Variants in MGMT observed in about 807,000 individuals in gnomAD.
MGMT encodes methylated-DNA--protein-cysteine methyltransferase.
A neutral mutation model predicts 15.9 loss-of-function variants in MGMT; 14 were observed. That is an observed-to-expected ratio of 0.88 (90% confidence interval 0.58 to 1.37). The LOEUF is 1.37. MGMT is among the 40% of genes most tolerant of loss of function. The pLI, the probability that MGMT is intolerant of heterozygous loss-of-function variation, is 0.00. For synonymous variants in MGMT, 130 were observed against 118.2 expected (o/e 1.10, Z -0.65); for missense variants, 282 against 268.1 (o/e 1.05, Z -0.36).
intron 2 of MGMT, among the ~76,000 whole-genome samples, chr10:129,638,195 G>A (rs937981794): frequency 6.6e-6 from 1 of 151,982 alleles, no homozygotes; most frequent in Non-Finnish European, 1.5e-5. Context: ...ATCTGTAACG[G>A]TTTAGAACTC....
intron 3 of MGMT, among the ~76,000 whole-genome samples, chr10:129,758,119 C>G (rs183499228): frequency 9.1e-4 from 139 of 152,300 alleles, no homozygotes; most frequent in African/African-American, 3.2e-3. Flanking sequence ...AAAGACTAAA[C>G]AGATTTTTTT....
intron 4 of MGMT, among the ~76,000 whole-genome samples, chr10:129,763,939 C>T (rs76704313): frequency 1.2e-4 from 18 of 152,278 alleles, no homozygotes; most frequent in Admixed American, 2.6e-4. Flanking sequence ...ATGTCATAGT[C>T]GTCAGAAGCC....
At chr10:129,638,429 C>CAAAAAAAAAAAAAAAAGAAA (rs1327986095) in intron 2 of MGMT, among the ~76,000 whole-genome samples, 1 of 61,756 alleles carries the variant, frequency 1.6e-5, no homozygotes, top group Non-Finnish European at 3.3e-5. Context: ...ACCAAAGAGG[C>CAAAAAAAAAAAAAAAAGAAA]AAAAAAAAAA....
At chr10:129,688,590 T>TTGTC (rs1847936329) in intron 2 of MGMT, among the ~76,000 whole-genome samples, 1 of 152,212 alleles carries the variant, frequency 6.6e-6, no homozygotes, top group Admixed American at 6.5e-5. Context: ...TCCTGGATAT[T>TTGTC]AGCCCTTTGT....
At chr10:129,668,976 C>T (rs1847690212) in intron 2 of MGMT, among the ~76,000 whole-genome samples, 1 of 152,030 alleles carries the variant, frequency 6.6e-6, no homozygotes, top group Non-Finnish European at 1.5e-5. Flanking sequence ...GTCTTGCATA[C>T]ATTTTGTTGG....
intron 3 of MGMT, among the ~76,000 whole-genome samples, chr10:129,727,053 C>T (rs1487393880): frequency 1.3e-5 from 2 of 152,152 alleles, no homozygotes; most frequent in African/African-American, 2.4e-5. Context: ...CCCAGGGTTC[C>T]CTGCTGAATT....
chr10:129,588,837 A>G (rs1321696155), intron 2 of MGMT, among the ~76,000 whole-genome samples: 1 of 152,222 alleles, frequency 6.6e-6, no homozygotes. Context: ...TACACTTACC[A>G]CGTTGAATAT....
intron 2 of MGMT, among the ~76,000 whole-genome samples, chr10:129,578,253 A>T (rs995423898): frequency 6.6e-6 from 1 of 152,234 alleles, no homozygotes. Flanking sequence ...TTGCAGCACT[A>T]TTCACAATAG....
At chr10:129,612,738 G>A (rs1263051870) in intron 2 of MGMT, among the ~76,000 whole-genome samples, 2 of 152,244 alleles carry the variant, frequency 1.3e-5, no homozygotes, top group Non-Finnish European at 2.9e-5. Context: ...GATGTTACAG[G>A]TGGTTCCAGA....
Position 129,676,484 on chromosome 10 carries a change from C to T in MGMT, c.126-31411C>T, listed in dbSNP as rs574209854. Among the ~76,000 whole-genome samples, 10 of 152,290 alleles carry T rather than the reference C, an allele frequency of 6.6e-5. No individual in the cohort carries two copies. In the Middle Eastern group the frequency reaches 0.017, roughly 259 times the overall value. On this transcript the variant is annotated intron_variant, in intron 2 of 4. Transcript: ENST00000651593. Reference sequence around the variant, plus strand: ...GAAGAGGTGCATCTCTGCGTCTCTGCGGCGTACTCTGCGAGGGTCCCTGTG... The same window carrying T: ...GAAGAGGTGCATCTCTGCGTCTCTGTGGCGTACTCTGCGAGGGTCCCTGTG...
At chr10:129,469,328 A>G (rs1034744283) in intron 1 of MGMT, among the ~76,000 whole-genome samples, 3 of 152,254 alleles carry the variant, frequency 2.0e-5, no homozygotes, top group Non-Finnish European at 2.9e-5. Context: ...TTTAGGAGCC[A>G]GTGATTCAGA....
intron 2 of MGMT, among the ~76,000 whole-genome samples, chr10:129,551,243 C>A (rs1478743908): frequency 6.6e-6 from 1 of 152,200 alleles, no homozygotes; most frequent in East Asian, 1.9e-4. Flanking sequence ...TGAAGAAAGG[C>A]ACTGTTTTTA....
chr10:129,625,830 A>G (rs758260169), intron 2 of MGMT, among the ~76,000 whole-genome samples: 1 of 152,202 alleles, frequency 6.6e-6, no homozygotes, highest in African/African-American at 2.4e-5. Context: ...GCTTGTTTTC[A>G]GGAGTTTTCA....
At position 129,536,351 on chromosome 10, in the gene MGMT, C is replaced by A; in HGVS notation, c.99C>A (p.Leu33=). 1 of 1,613,898 alleles carries A rather than the reference C, an allele frequency of 6.2e-7. No individual in the cohort carries two copies. Among genetic ancestry groups the A allele is most frequent in the Non-Finnish European group, 8.5e-7 (1 of 1,179,982 alleles). Residue 33 remains leucine (L), a synonymous_variant, in exon 2 of 5, where the codon CTC becomes CTA. Transcript: ENST00000651593. Reference sequence around the variant, plus strand: ...AGCAGGGTCTGCACGAAATAAAGCTCCTGGGCAAGGGGACGTCTGCAGCTG... The same window carrying A: ...AGCAGGGTCTGCACGAAATAAAGCTACTGGGCAAGGGGACGTCTGCAGCTG... ...GCEQGLHEIK[L]LGKGTSAADA... is the part of the protein sequence containing the mutation.
chr10:129,571,445 T>C (rs1227561294), intron 2 of MGMT, among the ~76,000 whole-genome samples: 2 of 152,228 alleles, frequency 1.3e-5, no homozygotes, highest in Non-Finnish European at 2.9e-5. Flanking sequence ...TGAAAAATGT[T>C]ATACGTTTTG....
chr10:129,524,077 T>C (rs1845842916), intron 1 of MGMT, among the ~76,000 whole-genome samples: 2 of 152,208 alleles, frequency 1.3e-5, no homozygotes, highest in African/African-American at 4.8e-5. Context: ...TGTGTCCTGA[T>C]GACCTGGGAG....
chr10:129,520,908 C>CGT (rs1845800900), intron 1 of MGMT, among the ~76,000 whole-genome samples: 2 of 140,206 alleles, frequency 1.4e-5, no homozygotes, highest in East Asian at 4.3e-4. Context: ...CTATGGTGTG[C>CGT]ATACAGAACC....
intron 1 of MGMT, among the ~76,000 whole-genome samples, chr10:129,508,520 CTTTTTTT>C (rs11311009): frequency 7.1e-6 from 1 of 141,540 alleles, no homozygotes; most frequent in African/African-American, 2.6e-5. Context: ...TTCTTTCTTT[CTTTTTTT>C]TTTTTTTGTT....
intron 1 of MGMT, among the ~76,000 whole-genome samples, chr10:129,492,178 T>G (rs976627697): frequency 6.6e-5 from 10 of 152,114 alleles, no homozygotes; most frequent in Non-Finnish European, 1.5e-4. Flanking sequence ...GGCCTGTTAT[T>G]TTACTAAAAC....
Sources: gnomAD v4.1 joint callset for allele counts (sites outside exome capture counted in the v4.1 genomes callset) on GRCh38, gnomAD v4.1.1 for gene constraint, MANE v1.5 for transcripts, NCBI Gene and HGNC (gene_info 2026-07-23, HGNC 2026-07-21) for gene names.